The following SH3BP4 variants were observed in gnomAD, a reference collection of about 807,000 sequenced individuals.
SH3BP4 encodes SH3 domain binding protein 4, also known as SH3 domain-binding protein 4.
SH3BP4 carries 33 observed loss-of-function variants against 65.5 expected under a neutral mutation model. The ratio of observed to expected loss-of-function variants is 0.50; its 90% CI spans 0.38 to 0.67. The LOEUF is 0.67. Among genes scored for constraint, SH3BP4 ranks in the 30% least tolerant of loss-of-function variants. SH3BP4 has a pLI of 0.00. For synonymous variants in SH3BP4, 552 were observed against 545.5 expected (o/e 1.01, Z -0.17); for missense variants, 1,134 against 1,261.4 (o/e 0.90, Z 1.53).
chr2:235,020,712 A>G (rs1221224971), intron 2 of SH3BP4, among the ~76,000 whole-genome samples: 1 of 152,214 alleles, frequency 6.6e-6, no homozygotes, highest in Non-Finnish European at 1.5e-5. Flanking sequence ...TGTTGGTGGT[A>G]GTGCTGGTGT....
rs550583056 is a variant in SH3BP4, at chr2:234,974,386, A to G, written c.-206-20917A>G. On this transcript the variant is annotated intron_variant, in intron 1 of 5. Transcript: ENST00000392011. The surrounding 1 kb of genome is among the most constrained non-coding windows in gnomAD (Gnocchi z 4.6). ...CTAAAAAAAAATAAATAAATAAAAG[A>G]GAAAGAGAGATTTGTGAAGGTCATG... Among the ~76,000 whole-genome samples, 3 of 148,878 alleles carry G rather than the reference A, an allele frequency of 2.0e-5. No individual in the cohort carries two copies. The highest frequency in any genetic ancestry group is 6.6e-5 in the Admixed American group (1 of 15,172).
chr2:235,037,024 T>G (rs144441539), intron 3 of SH3BP4, among the ~76,000 whole-genome samples: 4 of 152,088 alleles, frequency 2.6e-5, no homozygotes, highest in African/African-American at 9.7e-5. Flanking sequence ...ATAGACAGAC[T>G]TCAAGGTGGG....
chr2:235,027,637 C>CA (rs1695043306), intron 2 of SH3BP4, among the ~76,000 whole-genome samples: 1 of 152,180 alleles, frequency 6.6e-6, no homozygotes, highest in Non-Finnish European at 1.5e-5. Context: ...AAATTATCAT[C>CA]AAACATGGAG....
Position 235,052,249 on chromosome 2 carries a change from T to C in SH3BP4, c.2479-313T>C, listed in dbSNP as rs10174126. ...AAGACGCCAGTCCTTGGTGACTTCC[T>C]CTAATCCAGAGGGACCTCATCTTAA... is the stretch of plus-strand genomic sequence containing the variant. On this transcript the variant is annotated intron_variant, in intron 4 of 5. Coordinates refer to ENST00000392011, the MANE Select transcript of SH3BP4 (RefSeq NM_014521.3). The surrounding 1 kb of genome is among the most constrained non-coding windows in gnomAD (Gnocchi z 5.0). Among the ~76,000 whole-genome samples the C allele has an allele frequency of 0.55, 84,308 of 151,944 alleles. 23,989 individuals carry two copies. Among genetic ancestry groups the C allele is most frequent in the East Asian group, 0.68 (3,476 of 5,130 alleles).
intron 3 of SH3BP4, among the ~76,000 whole-genome samples, chr2:235,039,319 TTA>T (rs1239863817): frequency 2.4e-4 from 37 of 152,294 alleles, no homozygotes. Flanking sequence ...GGAAGTGTGA[TTA>T]TTTCCTTTCA....
In SH3BP4 at chr2:235,035,638, C is replaced by T. The variant is rs1695354820; in HGVS notation, c.118+518C>T. ...AATAGCCAGAGTCGTGTTTCCAAGA[C>T]AACTTTTTTTTTGCAGACAGCCCCA... On this transcript the variant is annotated intron_variant, in intron 3 of 5. Transcript: ENST00000392011. The surrounding 1 kb of genome is among the most constrained non-coding windows in gnomAD (Gnocchi z 5.0). 6.6e-6 allele frequency among the ~76,000 whole-genome samples: 1 copy of T among 152,170 alleles called. No homozygotes were observed. The highest frequency in any genetic ancestry group is 2.4e-5 in the African/African-American group (1 of 41,434).
chr2:235,000,916 G>T lies in SH3BP4; in HGVS notation c.-133+5540G>T, dbSNP rs984543942. The stretch of plus-strand genomic sequence containing the variant: ...GCTGCTTGTGGGCAGGCGTCACCTT[G>T]TTCTGACCTCTTTCCTTCCCCCAGG... On this transcript the variant is annotated intron_variant, in intron 2 of 5. Transcript: ENST00000392011. Among the ~76,000 whole-genome samples the T allele has an allele frequency of 3.9e-5, 6 of 152,220 alleles. No homozygotes were observed. In the East Asian group the frequency reaches 1.2e-3, roughly 29 times the overall value.
intron 2 of SH3BP4, among the ~76,000 whole-genome samples, chr2:235,013,550 A>G (rs1694586747): frequency 6.6e-6 from 1 of 152,244 alleles, no homozygotes; most frequent in Admixed American, 6.5e-5. Flanking sequence ...ATACCGCTGC[A>G]GACGAGTTGG....
chr2:234,989,886 AC>A lies in SH3BP4; in HGVS notation c.-206-5413del, dbSNP rs1693696477. On this transcript the variant is annotated intron_variant, in intron 1 of 5. Transcript: ENST00000392011. The stretch of plus-strand genomic sequence containing the variant: ...TTGGACAAGAATTTTCAGGGTGAAC[AC>A]CCCTCATCCAAAAATTTGAAATCCA... Among the ~76,000 whole-genome samples, 3 of 152,212 alleles carry A rather than the reference AC, an allele frequency of 2.0e-5. No homozygotes were observed. The South Asian group carries it at 6.2e-4, about 32-fold the overall frequency.
At chr2:234,990,005 A>G (rs1379789776) in intron 1 of SH3BP4, among the ~76,000 whole-genome samples, 1 of 152,240 alleles carries the variant, frequency 6.6e-6, no homozygotes, top group East Asian at 1.9e-4. Context: ...TTGCAGTCAA[A>G]ACTCCAGAAC....
chr2:235,012,232 C>T (rs1559243536), intron 2 of SH3BP4, among the ~76,000 whole-genome samples: 1 of 152,142 alleles, frequency 6.6e-6, no homozygotes, highest in East Asian at 1.9e-4. Flanking sequence ...GCCCTGACCT[C>T]GGCAGACCAT....
intron 4 of SH3BP4, among the ~76,000 whole-genome samples, chr2:235,048,686 G>A (rs540156299): frequency 2.0e-5 from 3 of 152,220 alleles, no homozygotes; most frequent in Non-Finnish European, 2.9e-5. Context: ...CGCCAGGCCC[G>A]CTATTCCTGT....
At position 234,977,614 on chromosome 2, in the gene SH3BP4, C is replaced by T. The variant is rs923326695; in HGVS notation, c.-206-17689C>T. On this transcript the variant is annotated intron_variant, in intron 1 of 5. Transcript: ENST00000392011. This position sits in a 1 kb window ranked among gnomAD's most constrained non-coding sequence, Gnocchi z 5.1. ...TGCCAGCCCCCACTAATCCCATTAG[C>T]GACTTAGGGGTGAGTGGATGGAAAA... is the stretch of plus-strand genomic sequence containing the variant. 5.9e-5 allele frequency among the ~76,000 whole-genome samples: 9 copies of T among 152,234 alleles called. No individual in the cohort carries two copies. The highest frequency in any genetic ancestry group is 3.3e-4 in the Admixed American group (5 of 15,300).
intron 3 of SH3BP4, among the ~76,000 whole-genome samples, chr2:235,040,138 G>A (rs1264451010): frequency 3.3e-5 from 5 of 152,210 alleles, no homozygotes; most frequent in Non-Finnish European, 7.3e-5. Flanking sequence ...TGGAGGCTGA[G>A]GCAGGAGAAT....
rs757070908 is a variant in SH3BP4 at position 235,042,290 on chromosome 2, C to T, written c.1521C>T (p.Ser507=). 6.8e-6 allele frequency: 11 copies of T among 1,613,996 alleles called. No homozygotes were observed. The highest frequency in any genetic ancestry group is 1.6e-4 in the Middle Eastern group (1 of 6,084). The change falls in exon 4 of 6, where the codon AGC becomes AGT. Residue 507 remains serine, a synonymous_variant. Transcript: ENST00000392011. This position sits in a 1 kb window ranked among gnomAD's most constrained non-coding sequence, Gnocchi z 7.3. The part of the protein sequence containing the change: ...HDCAPKTLLV[S]EVTRQAPNPA... ...GTGCCCCAAAGACGCTCCTGGTCAGCGAGGTCACACGCCAGGCACCCAACC... is the reference window on the plus strand; with the variant it reads ...GTGCCCCAAAGACGCTCCTGGTCAGTGAGGTCACACGCCAGGCACCCAACC...
rs142163286 is a variant in SH3BP4 at position 235,007,876 on chromosome 2, G to A, written c.-133+12500G>A. Among the ~76,000 whole-genome samples the A allele has an allele frequency of 3.0e-3, 455 of 152,320 alleles. 2 individuals are homozygous for A. Among genetic ancestry groups the A allele is most frequent in the African/African-American group, 0.01 (436 of 41,570 alleles). ...GGACTCAGGCACCCGAGGAGAATGC[G>A]CCAGCGAGGAGACCAGCAGAGCAGG... On this transcript the variant is annotated intron_variant, in intron 2 of 5. Coordinates refer to ENST00000392011, the MANE Select transcript of SH3BP4 (RefSeq NM_014521.3).
intron 1 of SH3BP4, among the ~76,000 whole-genome samples, chr2:234,990,071 G>C (rs1693702699): frequency 6.6e-6 from 1 of 152,212 alleles, no homozygotes; most frequent in African/African-American, 2.4e-5. Context: ...ATAAGGTACG[G>C]ATGAAACATA....
rs1329923050 is a variant in SH3BP4 at position 235,026,775 on chromosome 2, C to T, written c.-132-8096C>T. On this transcript the variant is annotated intron_variant, in intron 2 of 5. Transcript: ENST00000392011. The surrounding 1 kb of genome is among the most constrained non-coding windows in gnomAD (Gnocchi z 4.6). ...TGGCTCTGAATAACCGCTGCTACCT[C>T]CTAAATTGAACTCAGTTGTTTAGGG... 1.3e-5 allele frequency among the ~76,000 whole-genome samples: 2 copies of T among 152,120 alleles called. No homozygotes were observed. The highest frequency in any genetic ancestry group is 2.1e-4 in the South Asian group (1 of 4,818).
chr2:234,998,913 T>C (rs1386328738), intron 2 of SH3BP4, among the ~76,000 whole-genome samples: 2 of 152,210 alleles, frequency 1.3e-5, no homozygotes, highest in Admixed American at 1.3e-4. Context: ...CTGCAGGCAC[T>C]GATTCTGCAC....
Sources: allele counts gnomAD v4.1 joint callset (sites outside exome capture counted in the v4.1 genomes callset), GRCh38; gene constraint gnomAD v4.1.1; non-coding constraint Gnocchi (gnomAD v3.1); transcripts MANE v1.5; gene names NCBI Gene and HGNC (gene_info 2026-07-23, HGNC 2026-07-21).